The following NKAIN3 variants were observed in gnomAD, a reference collection of about 807,000 sequenced individuals.
The protein encoded by NKAIN3 is sodium/potassium transporting ATPase interacting 3, also known as sodium/potassium-transporting ATPase subunit beta-1-interacting protein 3.
In NKAIN3, 25 loss-of-function variants were observed where a neutral mutation model predicts 30.2. The observed-to-expected ratio is 0.83, with a 90% CI of 0.60 to 1.16. The LOEUF is 1.16. NKAIN3 is among the 50% of genes most tolerant of loss of function. The pLI is 0.00. For synonymous variants in NKAIN3, 91 were observed against 89.6 expected, an observed-to-expected ratio of 1.02 and a Z score of -0.09; for missense variants, 225 against 254.1, an observed-to-expected ratio of 0.89 and a Z score of 0.78.
chr8:62,584,053 A>G (rs996939836), intron 2 of NKAIN3, among the ~76,000 whole-genome samples: 4 of 152,220 alleles, frequency 2.6e-5, no homozygotes, highest in Non-Finnish European at 4.4e-5. Context: ...TGAATGTGGC[A>G]TATGTCCCAT....
At chr8:62,888,084 G>C (rs904730556) in intron 4 of NKAIN3, among the ~76,000 whole-genome samples, 1 of 152,156 alleles carries the variant, frequency 6.6e-6, no homozygotes, top group African/African-American at 2.4e-5. Flanking sequence ...TTGAGCCTCT[G>C]AATTGTGACC....
At chr8:62,939,665 A>C (rs975212166) in intron 5 of NKAIN3, among the ~76,000 whole-genome samples, 2 of 152,282 alleles carry the variant, frequency 1.3e-5, no homozygotes, top group Non-Finnish European at 2.9e-5. Context: ...AGCTTCATAA[A>C]TGAAAAAAAA....
chr8:62,460,186 T>TG (rs1805948516), intron 1 of NKAIN3, among the ~76,000 whole-genome samples: 1 of 148,304 alleles, frequency 6.7e-6, no homozygotes, highest in Non-Finnish European at 1.5e-5. Context: ...GCCGAGGCAG[T>TG]GGATCATCTG....
chr8:62,909,347 A>G (rs1419161255), intron 4 of NKAIN3, among the ~76,000 whole-genome samples: 4 of 152,268 alleles, frequency 2.6e-5, no homozygotes, highest in Non-Finnish European at 4.4e-5. Context: ...AATTTACAAT[A>G]TAGAGAAGAA....
intron 1 of NKAIN3, among the ~76,000 whole-genome samples, chr8:62,304,178 G>A (rs990537600): frequency 1.3e-5 from 2 of 150,448 alleles, no homozygotes; most frequent in African/African-American, 5.0e-5. Context: ...ATAGAGATTT[G>A]GCCCTACCTT....
intron 1 of NKAIN3, among the ~76,000 whole-genome samples, chr8:62,491,310 C>T (rs1224357002): frequency 6.6e-6 from 1 of 152,116 alleles, no homozygotes; most frequent in Non-Finnish European, 1.5e-5. Flanking sequence ...TCCTATAGGC[C>T]AGTGGTCAGA....
intron 4 of NKAIN3, among the ~76,000 whole-genome samples, chr8:62,819,008 A>C (rs1818772279): frequency 6.6e-6 from 1 of 152,004 alleles, no homozygotes; most frequent in Non-Finnish European, 1.5e-5. Flanking sequence ...CATTCATGGT[A>C]TAATCAAAGA....
At chr8:62,504,015 A>G (rs1176261317) in intron 1 of NKAIN3, among the ~76,000 whole-genome samples, 23 of 152,204 alleles carry the variant, frequency 1.5e-4, no homozygotes, top group Non-Finnish European at 1.5e-5. Flanking sequence ...GGAAGTGATA[A>G]ATATCTATGA....
chr8:62,468,861 T>C (rs1806240926), intron 1 of NKAIN3, among the ~76,000 whole-genome samples: 1 of 152,172 alleles, frequency 6.6e-6, no homozygotes, highest in Non-Finnish European at 1.5e-5. Flanking sequence ...CCGATCTCTT[T>C]GCAAGTTTCT....
intron 4 of NKAIN3, chr8:62,856,423 G>A: frequency 1.3e-6 from 1 of 793,292 alleles, no homozygotes; most frequent in Admixed American, 1.7e-5. Context: ...CTCATCCTCT[G>A]CTATGCTGGT....
At chr8:62,639,631 C>G (rs1439938470) in intron 3 of NKAIN3, among the ~76,000 whole-genome samples, 4 of 151,966 alleles carry the variant, frequency 2.6e-5, no homozygotes, top group Admixed American at 2.6e-4. Flanking sequence ...AAGAAATTGA[C>G]CTTGCAAAAG....
At position 62,711,823 on chromosome 8, in the gene NKAIN3, CA is replaced by C. The variant is rs370656846; in HGVS notation, c.274-35108del. Reference sequence around the variant, plus strand: ...GGGAGCGTTAAATAGCCTTGTTTTTCATATTACCAGGGTTGGTTTTCTGGTC... The same window carrying C: ...GGGAGCGTTAAATAGCCTTGTTTTTCTATTACCAGGGTTGGTTTTCTGGTC... On this transcript the variant is annotated intron_variant, in intron 3 of 6. Coordinates refer to ENST00000623646, the MANE Select transcript of NKAIN3 (RefSeq NM_001304533.3). Among the ~76,000 whole-genome samples the C allele has an allele frequency of 6.9e-4, 105 of 152,236 alleles. 1 individual carries two copies. The Middle Eastern group carries it at 0.01, about 15-fold the overall frequency.
At chr8:62,763,256 A>G (rs984714769) in intron 4 of NKAIN3, among the ~76,000 whole-genome samples, 1 of 142,230 alleles carries the variant, frequency 7.0e-6, no homozygotes, top group Non-Finnish European at 1.5e-5. Context: ...AAAAAAAAAA[A>G]AAAAACTTAT....
chr8:62,789,387 T>C lies in NKAIN3; in HGVS notation c.471+42258T>C, dbSNP rs1817630712. 1.3e-5 allele frequency among the ~76,000 whole-genome samples: 2 copies of C among 152,324 alleles called. 1 individual carries two copies. The highest frequency in any genetic ancestry group is 3.9e-4 in the East Asian group (2 of 5,186). On this transcript the variant is annotated intron_variant, in intron 4 of 6. Coordinates refer to ENST00000623646, the MANE Select transcript of NKAIN3 (RefSeq NM_001304533.3). ...GTGATTTTTGCACATTTATTTTGTA[T>C]CCTGAAACTTTGCTGAAGTTGCTTA... is the stretch of plus-strand genomic sequence containing the variant.
intron 4 of NKAIN3, among the ~76,000 whole-genome samples, chr8:62,834,907 T>C (rs1184996923): frequency 2.6e-5 from 4 of 152,072 alleles, no homozygotes; most frequent in Non-Finnish European, 5.9e-5. Context: ...GCCTGAAGCA[T>C]CACATTACCT....
At chr8:62,686,732 A>C (rs1207619412) in intron 3 of NKAIN3, among the ~76,000 whole-genome samples, 1 of 152,196 alleles carries the variant, frequency 6.6e-6, no homozygotes, top group Middle Eastern at 3.2e-3. Context: ...TCAAACTAAA[A>C]ACTAACATCC....
chr8:62,381,570 A>G (rs556975328), intron 1 of NKAIN3, among the ~76,000 whole-genome samples: 1 of 152,254 alleles, frequency 6.6e-6, no homozygotes, highest in Middle Eastern at 3.4e-3. Flanking sequence ...TTAGCCATAT[A>G]AAGCCATATA....
intron 3 of NKAIN3, among the ~76,000 whole-genome samples, chr8:62,684,729 G>A (rs1813744082): frequency 6.6e-6 from 1 of 152,170 alleles, no homozygotes; most frequent in South Asian, 2.1e-4. Flanking sequence ...CTTTAAATAG[G>A]TAATTAAGTT....
intron 1 of NKAIN3, chr8:62,383,573 T>G (rs10808724): frequency 0.72 from 327,439 of 453,320 alleles, 118,986 homozygotes; most frequent in Admixed American, 0.75. Context: ...CCTTTTGGTT[T>G]GAAGAACATG....
Sources: gnomAD v4.1 joint callset for allele counts (sites outside exome capture counted in the v4.1 genomes callset) on GRCh38, gnomAD v4.1.1 for gene constraint, MANE v1.5 for transcripts, NCBI Gene and HGNC (gene_info 2026-07-23, HGNC 2026-07-21) for gene names.